CACNA1C: variants seen among roughly 807,000 people sequenced by gnomAD.
The protein encoded by CACNA1C is calcium voltage-gated channel subunit alpha1 C.
A neutral mutation model predicts 229.0 loss-of-function variants in CACNA1C; 30 were observed. That is an observed-to-expected ratio of 0.13 (90% CI 0.10 to 0.18). The LOEUF is 0.18. Among genes scored for constraint, CACNA1C ranks in the 10% least tolerant of loss-of-function variants. The pLI is 1.00. For missense variants in CACNA1C, 1,658 were observed against 2,845.0 expected (o/e 0.58, Z 9.49); for synonymous variants, 1,114 against 1,132.5 (o/e 0.98, Z 0.33).
At chr12:2,170,083 C>G (rs1250593197) in intron 3 of CACNA1C, among the ~76,000 whole-genome samples, 4 of 152,188 alleles carry the variant, frequency 2.6e-5, no homozygotes, top group Non-Finnish European at 5.9e-5. Flanking sequence ...CAGCACTTAA[C>G]CTCATGTTTG....
chr12:2,636,250 C>T (rs905722072), intron 30 of CACNA1C, among the ~76,000 whole-genome samples: 1 of 152,246 alleles, frequency 6.6e-6, no homozygotes, highest in Non-Finnish European at 1.5e-5. Context: ...TGACCGCAAG[C>T]TGCCCCCCTG....
intron 3 of CACNA1C, among the ~76,000 whole-genome samples, chr12:2,396,808 A>G (rs550103330): frequency 6.6e-6 from 1 of 152,362 alleles, no homozygotes; most frequent in South Asian, 2.1e-4. Context: ...GAGCCACACC[A>G]TTCAGAAGTA....
At chr12:2,026,110 C>T (rs1350816069) in intron 1 of CACNA1C, among the ~76,000 whole-genome samples, 1 of 152,150 alleles carries the variant, frequency 6.6e-6, no homozygotes, top group Admixed American at 6.5e-5. Context: ...TGGATGGAAA[C>T]AGTTGCTGGC....
At chr12:2,604,709 C>T (rs992607845) in intron 22 of CACNA1C, among the ~76,000 whole-genome samples, 3 of 152,188 alleles carry the variant, frequency 2.0e-5, no homozygotes, top group African/African-American at 7.2e-5. Flanking sequence ...GGAAATTTGT[C>T]CTCAGTGCCT....
intron 8 of CACNA1C, among the ~76,000 whole-genome samples, chr12:2,509,963 C>G (rs1316297677): frequency 6.6e-6 from 1 of 152,182 alleles, no homozygotes; most frequent in East Asian, 1.9e-4. Flanking sequence ...AATAAGGAGC[C>G]TGGGTGGTAT....
chr12:1,999,277 T>C (rs1048494313), intron 1 of CACNA1C, among the ~76,000 whole-genome samples: 2 of 152,226 alleles, frequency 1.3e-5, no homozygotes, highest in African/African-American at 4.8e-5. Context: ...TGAAATTATA[T>C]TACAAGTCCT....
intron 3 of CACNA1C, among the ~76,000 whole-genome samples, chr12:2,168,316 G>A (rs557330129): frequency 6.6e-6 from 1 of 152,218 alleles, no homozygotes; most frequent in East Asian, 1.9e-4. Flanking sequence ...GGATTGATGG[G>A]GAAACAGAAT....
At chr12:2,420,102 G>GGT (rs564990323) in intron 3 of CACNA1C, among the ~76,000 whole-genome samples, 13,142 of 125,370 alleles carry the variant, frequency 0.1, 758 homozygotes, top group Middle Eastern at 0.15. Flanking sequence ...TAGGCAAAAT[G>GGT]GTGTGTGTGT....
At chr12:2,673,489 C>A (rs2096652722) in intron 38 of CACNA1C, among the ~76,000 whole-genome samples, 1 of 151,320 alleles carries the variant, frequency 6.6e-6, no homozygotes, top group South Asian at 2.1e-4. Context: ...AAAAAAGACA[C>A]CCCGTTAGTA....
rs750807812 is a variant in CACNA1C at position 2,403,602 on chromosome 12, G to A, written c.478-45374G>A. Among the ~76,000 whole-genome samples the A allele has an allele frequency of 5.9e-5, 9 of 152,036 alleles. No homozygotes were observed. Among genetic ancestry groups the A allele is most frequent in the Non-Finnish European group, 1.0e-4 (7 of 68,022 alleles). On this transcript the variant is annotated intron_variant, in intron 3 of 46. Coordinates refer to ENST00000399655, the MANE Select transcript of CACNA1C (RefSeq NM_000719.7). This position sits in a 1 kb window ranked among gnomAD's most constrained non-coding sequence, Gnocchi z 4.1. ...TTTTACCACTCCTGGCAGCTGCTGC[G>A]AGACAAGATAATTTATAGATGCATT...
At chr12:2,375,698 AT>A (rs1192023038) in intron 3 of CACNA1C, among the ~76,000 whole-genome samples, 2 of 152,208 alleles carry the variant, frequency 1.3e-5, no homozygotes, top group Non-Finnish European at 2.9e-5. Context: ...CTGTTGTTAA[AT>A]CAAGTCCTTG....
At position 2,688,712 on chromosome 12, in the gene CACNA1C, T is replaced by C. The variant is rs786205742; in HGVS notation, c.6050T>C (p.Met2017Thr). ...CGGAGAGTCCGGCCCGTCTCCCTCA[T>C]GGTGCCCAGCCAGGCTGGGGCCCCA... Reference protein sequence around the residue: ...AARRVRPVSLMVPSQAGAPGR... With the variant: ...AARRVRPVSLTVPSQAGAPGR... The change falls in exon 46 of 47, where the codon ATG (methionine) becomes ACG (threonine). Residue 2017 changes from methionine to threonine, a missense_variant. By Grantham distance (81) the Met-to-Thr change is moderately conservative. Coordinates refer to ENST00000399655, the MANE Select transcript of CACNA1C (RefSeq NM_000719.7). 48 of 1,608,448 alleles carry C rather than the reference T, an allele frequency of 3.0e-5. No individual in the cohort carries two copies. Among genetic ancestry groups the C allele is most frequent in the Non-Finnish European group, 3.7e-5 (44 of 1,177,400 alleles).
chr12:2,200,055 C>T (rs2097538496), intron 3 of CACNA1C, among the ~76,000 whole-genome samples: 1 of 152,168 alleles, frequency 6.6e-6, no homozygotes, highest in Non-Finnish European at 1.5e-5. Flanking sequence ...GTTCTCTGTT[C>T]TCTGCCGTAT....
chr12:2,110,602 C>T (rs1335718363), intron 1 of CACNA1C, among the ~76,000 whole-genome samples: 1 of 152,186 alleles, frequency 6.6e-6, no homozygotes, highest in African/African-American at 2.4e-5. Context: ...CCTGCCCTAC[C>T]TTCATGGCAC....
rs1204757498 is a variant in CACNA1C at position 2,541,842 on chromosome 12, C to T, written c.1391-8101C>T. Among the ~76,000 whole-genome samples, 3 of 152,222 alleles carry T rather than the reference C, an allele frequency of 2.0e-5. No individual in the cohort carries two copies. The East Asian group carries it at 5.8e-4, about 29-fold the overall frequency. On this transcript the variant is annotated intron_variant, in intron 9 of 46. Transcript: ENST00000399655. ...TTTTGGGTGACCAAAGGTTTCGGAA[C>T]TAGGCAGATTGTTTCATCTCGCCCC...
At chr12:2,547,636 A>G (rs983642903) in intron 9 of CACNA1C, 1 of 702,278 alleles carries the variant, frequency 1.4e-6, no homozygotes. Flanking sequence ...GTGTGTGCAT[A>G]TATGTGTATG....
intron 1 of CACNA1C, among the ~76,000 whole-genome samples, chr12:2,056,877 AGT>A (rs1443767956): frequency 6.6e-6 from 1 of 152,116 alleles, no homozygotes; most frequent in Non-Finnish European, 1.5e-5. Context: ...ACAGTATTTA[AGT>A]GTGTGTGTGT....
At chr12:2,316,781 G>T (rs1367706671) in intron 3 of CACNA1C, among the ~76,000 whole-genome samples, 1 of 152,174 alleles carries the variant, frequency 6.6e-6, no homozygotes, top group Non-Finnish European at 1.5e-5. Flanking sequence ...TGACTGTGCG[G>T]GTGTGTCCTA....
chr12:2,004,418 G>A (rs1421049879), intron 1 of CACNA1C: 8 of 1,609,326 alleles, frequency 5.0e-6, no homozygotes, highest in Non-Finnish European at 6.8e-6. Flanking sequence ...GCCGCCTGCC[G>A]CCACGGCTGC....
Sources: allele counts gnomAD v4.1 joint callset (sites outside exome capture counted in the v4.1 genomes callset), GRCh38; gene constraint gnomAD v4.1.1; non-coding constraint Gnocchi (gnomAD v3.1); transcripts MANE v1.5; gene names NCBI Gene and HGNC (gene_info 2026-07-23, HGNC 2026-07-21).